TRAPPC9: variants seen among roughly 807,000 people sequenced by gnomAD.
TRAPPC9 encodes the protein trafficking protein particle complex subunit 9, also known as IKK2 binding protein.
A neutral mutation model predicts 124.0 loss-of-function variants in TRAPPC9; 83 were observed. The ratio of observed to expected loss-of-function variants is 0.67; its 90% confidence interval spans 0.56 to 0.80. TRAPPC9 has a LOEUF of 0.80. Among genes scored for constraint, TRAPPC9 ranks in the 30% least tolerant of loss-of-function variants. TRAPPC9 has a pLI of 0.00. For synonymous variants in TRAPPC9, 638 were observed against 617.5 expected (o/e 1.03, Z -0.49); for missense variants, 1,302 against 1,508.3 (o/e 0.86, Z 2.27).
At chr8:140,199,705 T>C (rs920708935) in intron 17 of TRAPPC9, among the ~76,000 whole-genome samples, 1 of 152,110 alleles carries the variant, frequency 6.6e-6, no homozygotes, top group African/African-American at 2.4e-5. Flanking sequence ...ACAATCTATA[T>C]CCACAGATCT....
At chr8:140,297,850 C>G (rs78220035) in intron 11 of TRAPPC9, among the ~76,000 whole-genome samples, 3,124 of 152,306 alleles carry the variant, frequency 0.021, 103 homozygotes, top group African/African-American at 0.07. Context: ...CCTGCATGAA[C>G]TAAACTGAAA....
rs555735227 is a variant in TRAPPC9, at chr8:140,403,599, A to T, written c.1008+1978T>A. Among the ~76,000 whole-genome samples the T allele has an allele frequency of 4.6e-5, 7 of 152,190 alleles. No individual in the cohort carries two copies. The South Asian group carries it at 1.4e-3, about 31-fold the overall frequency. ...AGCTAGTGTTTGTTTATGGAGGAGT[A>T]AATTGTTAATAACCTTTTTGGAGGA... On this transcript the variant is annotated intron_variant, in intron 6 of 22. Transcript: ENST00000438773.
intron 21 of TRAPPC9, among the ~76,000 whole-genome samples, chr8:139,857,820 T>C (rs975127427): frequency 7.9e-5 from 12 of 152,338 alleles, no homozygotes; most frequent in African/African-American, 2.9e-4. Context: ...AAAGGTGCAA[T>C]GGACCCAGGT....
At chr8:140,088,507 A>G (rs1844349587) in intron 17 of TRAPPC9, among the ~76,000 whole-genome samples, 1 of 152,204 alleles carries the variant, frequency 6.6e-6, no homozygotes, top group South Asian at 2.1e-4. Flanking sequence ...ATGACTTGAG[A>G]GCTGAATATA....
chr8:140,433,193 G>A (rs1319597998), intron 4 of TRAPPC9, among the ~76,000 whole-genome samples: 1 of 151,682 alleles, frequency 6.6e-6, no homozygotes, highest in Non-Finnish European at 1.5e-5. Context: ...TCAGGAGGCT[G>A]AGACACAAGA....
intron 18 of TRAPPC9, among the ~76,000 whole-genome samples, chr8:139,996,021 G>GT (rs1347216014): frequency 7.9e-5 from 12 of 151,186 alleles, no homozygotes; most frequent in Non-Finnish European, 1.6e-4. Context: ...GTAAGTAACA[G>GT]ACAATAACTT....
At chr8:140,195,436 C>T (rs1158493634) in intron 17 of TRAPPC9, among the ~76,000 whole-genome samples, 1 of 151,966 alleles carries the variant, frequency 6.6e-6, no homozygotes, top group African/African-American at 2.4e-5. Context: ...AAAAAACACT[C>T]GACAATCCAC....
intron 21 of TRAPPC9, among the ~76,000 whole-genome samples, chr8:139,837,754 C>T (rs559896542): frequency 1.3e-5 from 2 of 152,202 alleles, no homozygotes; most frequent in Admixed American, 1.3e-4. Flanking sequence ...GGCACCCAAC[C>T]CAGATGCCAG....
chr8:139,943,418 TA>T (rs753212639), intron 19 of TRAPPC9, among the ~76,000 whole-genome samples: 24 of 152,306 alleles, frequency 1.6e-4, no homozygotes, highest in Non-Finnish European at 2.9e-4. Context: ...TGCTAAATAA[TA>T]ATTTTTTAAA....
At chr8:139,954,166 G>T (rs534628642) in intron 19 of TRAPPC9, among the ~76,000 whole-genome samples, 1 of 152,328 alleles carries the variant, frequency 6.6e-6, no homozygotes, top group African/African-American at 2.4e-5. Context: ...TGAGGGCACA[G>T]GGAAGCTTTT....
chr8:139,930,388 T>C (rs1187996220), intron 19 of TRAPPC9, among the ~76,000 whole-genome samples: 1 of 152,174 alleles, frequency 6.6e-6, no homozygotes. Context: ...GCCAGTCAAC[T>C]TCTCCCGTGG....
intron 17 of TRAPPC9, among the ~76,000 whole-genome samples, chr8:140,214,605 A>AG (rs1563852102): frequency 6.6e-6 from 1 of 152,234 alleles, no homozygotes; most frequent in African/African-American, 2.4e-5. Context: ...AATCCTATGA[A>AG]GGAAGCATTG....
At chr8:140,137,310 T>C (rs112827561) in intron 17 of TRAPPC9, among the ~76,000 whole-genome samples, 1,611 of 152,266 alleles carry the variant, frequency 0.011, 26 homozygotes, top group African/African-American at 0.036. Context: ...CATGCTCCAG[T>C]GACCACCTTG....
chr8:139,806,830 G>C (rs773095875), intron 21 of TRAPPC9, among the ~76,000 whole-genome samples: 1 of 152,260 alleles, frequency 6.6e-6, no homozygotes, highest in Admixed American at 6.5e-5. Flanking sequence ...ATGATGGGGA[G>C]AGAGAGGCTT....
At chr8:140,322,898 T>C (rs982788621) in intron 9 of TRAPPC9, among the ~76,000 whole-genome samples, 7 of 152,184 alleles carry the variant, frequency 4.6e-5, no homozygotes, top group Admixed American at 1.3e-4. Flanking sequence ...TCGTAAAATA[T>C]CTACTTGGCC....
intron 21 of TRAPPC9, among the ~76,000 whole-genome samples, chr8:139,763,056 C>G (rs915626195): frequency 6.6e-6 from 1 of 152,214 alleles, no homozygotes; most frequent in African/African-American, 2.4e-5. Context: ...CTGGCTGAAG[C>G]CTTCTTCATT....
intron 17 of TRAPPC9, among the ~76,000 whole-genome samples, chr8:140,214,704 C>T (rs946297754): frequency 2.0e-5 from 3 of 152,142 alleles, no homozygotes; most frequent in African/African-American, 7.2e-5. Flanking sequence ...AAGATGCATC[C>T]AATTCACACA....
At chr8:140,446,821 C>T (rs953430149) in intron 2 of TRAPPC9, among the ~76,000 whole-genome samples, 2 of 152,022 alleles carry the variant, frequency 1.3e-5, no homozygotes, top group South Asian at 2.1e-4. Flanking sequence ...TGTGAACCAC[C>T]GCACCCAGCC....
At chr8:140,454,300 T>C (rs1003581727) in intron 1 of TRAPPC9, among the ~76,000 whole-genome samples, 2 of 149,040 alleles carry the variant, frequency 1.3e-5, no homozygotes, top group Admixed American at 6.7e-5. Context: ...AAAAAATTAA[T>C]AAATAAAAAT....
Sources: gnomAD v4.1 joint callset for allele counts (sites outside exome capture counted in the v4.1 genomes callset) on GRCh38, gnomAD v4.1.1 for gene constraint, MANE v1.5 for transcripts, NCBI Gene and HGNC (gene_info 2026-07-23, HGNC 2026-07-21) for gene names.